ARHGEF1: variants seen among roughly 807,000 people sequenced by gnomAD.
ARHGEF1 encodes the protein 115 kDa guanine nucleotide exchange factor.
ARHGEF1 carries 40 observed loss-of-function variants against 119.7 expected under a neutral mutation model. That is an observed-to-expected ratio of 0.33 (90% CI 0.26 to 0.44). The LOEUF is 0.44. Ranked by LOEUF, ARHGEF1 falls within the 20% of genes least tolerant of loss-of-function variation. ARHGEF1 has a pLI of 1.00. For missense variants in ARHGEF1, 976 were observed against 1,268.3 expected (o/e 0.77, Z 3.50); for synonymous variants, 494 against 521.0 (o/e 0.95, Z 0.71).
chr19:41,897,736 C>G (rs1171696898), intron 13 of ARHGEF1: 2 of 474,482 alleles, frequency 4.2e-6, no homozygotes, highest in African/African-American at 4.0e-5. Context: ...TGTCTCTGTC[C>G]CTGTCCTGGT....
At chr19:41,918,462 A>ACACACCACACACGCACCACG (rs1555852138), upstream of ARHGEF1, among the ~76,000 whole-genome samples, 6 of 145,872 alleles carry the variant, frequency 4.1e-5, no homozygotes, top group Admixed American at 6.8e-5. Context: ...TGCACCACCT[A>ACACACCACACACGCACCACG]CACACCACAC....
chr19:41,898,091 C>A, intron 13 of ARHGEF1: 1 of 1,377,412 alleles, frequency 7.3e-7, no homozygotes, highest in South Asian at 1.7e-5. Flanking sequence ...CACGGCAGTG[C>A]TTGGCCCTGC....
At chr19:41,925,288 C>G (rs577436739) in intron 1 of ARHGEF1, among the ~76,000 whole-genome samples, 319 of 151,548 alleles carry the variant, frequency 2.1e-3, no homozygotes, top group African/African-American at 7.5e-3. Context: ...CCTTGTGCAG[C>G]AAGAGAGAGA....
chr19:41,891,315 C>G (rs150152129), intron 4 of ARHGEF1, among the ~76,000 whole-genome samples: 2 of 152,132 alleles, frequency 1.3e-5, no homozygotes, highest in Admixed American at 1.3e-4. Flanking sequence ...CAGTCTCGCT[C>G]TGTGTCACCC....
In ARHGEF1 at chr19:41,894,435, C is replaced by T; in HGVS notation, c.745-16C>T. On this transcript the variant is annotated splice_polypyrimidine_tract_variant and intron_variant, in intron 9 of 28. Transcript: ENST00000354532. ...CAGAGATGCTTAGCCTGGTCTTCCT[C>T]CCCGCCCTCTCACAGGTGATGGGGA... The T allele has an allele frequency of 3.2e-6, 5 of 1,544,502 alleles. No individual in the cohort carries two copies. In the East Asian group the frequency reaches 9.0e-5, roughly 28 times the overall value.
At position 41,903,457 on chromosome 19, in the gene ARHGEF1, G is replaced by A. The variant is rs1555849477; in HGVS notation, c.1839+50G>A. On this transcript the variant is annotated intron_variant, in intron 19 of 28. Transcript: ENST00000354532. The surrounding 1 kb of genome is among the most constrained non-coding windows in gnomAD (Gnocchi z 4.2). ...CGGGACAGTGGATGGTGTGAGAGCA[G>A]GGGGTGGACCCTACCTCAGCCTGTC... 3 of 1,562,706 alleles carry A rather than the reference G, an allele frequency of 1.9e-6. No homozygotes were observed. The highest frequency in any genetic ancestry group is 2.2e-5 in the South Asian group (2 of 89,312).
rs2074699468 is a variant in ARHGEF1 at position 41,906,524 on chromosome 19, G to A, written c.2559G>A (p.Gly853=). ...EDNGAGPPRD[G]DGVPGGGPLS... ...ATGGGGCGGGGCCTCCTCGAGATGG[G>A]GATGGGGTCCCAGGGGGCGGCCCCC... Residue 853 remains glycine (G), a synonymous_variant, in exon 27 of 29, where the codon GGG becomes GGA. Transcript: ENST00000354532. The surrounding 1 kb of genome is among the most constrained non-coding windows in gnomAD (Gnocchi z 4.5). The A allele has an allele frequency of 6.3e-7, 1 of 1,581,164 alleles. No homozygotes were observed. Among genetic ancestry groups the A allele is most frequent in the Non-Finnish European group, 8.5e-7 (1 of 1,171,752 alleles).
chr19:41,896,909 C>T (rs2074507546), intron 13 of ARHGEF1: 4 of 346,102 alleles, frequency 1.2e-5, no homozygotes, highest in African/African-American at 3.2e-5. Flanking sequence ...CCCCTCTCTT[C>T]TCTCACCTCC....
At chr19:41,922,147 G>A (rs1164046649), upstream of ARHGEF1, among the ~76,000 whole-genome samples, 5 of 152,118 alleles carry the variant, frequency 3.3e-5, no homozygotes, top group African/African-American at 1.2e-4. Flanking sequence ...GCTACTCAGG[G>A]AGCCCAGAGA....
downstream of ARHGEF1, chr19:41,908,060 G>A: frequency 4.3e-6 from 2 of 462,812 alleles, no homozygotes; most frequent in African/African-American, 2.0e-5. This position sits in a 1 kb window ranked among gnomAD's most constrained non-coding sequence, Gnocchi z 6.7. Context: ...CTGTGGAGGG[G>A]GAAGTGAGAC....
intron 1 of ARHGEF1, among the ~76,000 whole-genome samples, chr19:41,886,861 G>A (rs188050900): frequency 3.3e-5 from 5 of 152,274 alleles, no homozygotes; most frequent in Admixed American, 6.5e-5. Context: ...GGGGAGCCCC[G>A]CCGCTGGTCC....
At chr19:41,919,184 A>G (rs1403148294), upstream of ARHGEF1, among the ~76,000 whole-genome samples, 1 of 152,034 alleles carries the variant, frequency 6.6e-6, no homozygotes. Context: ...TCAATACCAC[A>G]CCTTGTAATC....
In ARHGEF1 at chr19:41,903,341, A is replaced by G. The variant is rs201193337; in HGVS notation, c.1773A>G (p.Ala591=). The part of the protein sequence containing the change: ...EPTEREKVEL[A]AECCREILHH... ...CAGAACGGGAGAAAGTGGAGCTGGC[A>G]GCCGAGTGCTGCCGGGAAATTCTAC... The change falls in exon 19 of 29, where the codon GCA becomes GCG. Residue 591 remains alanine (A), a synonymous_variant. Coordinates refer to ENST00000354532, the MANE Select transcript of ARHGEF1 (RefSeq NM_004706.4). The surrounding 1 kb of genome is among the most constrained non-coding windows in gnomAD (Gnocchi z 4.2). 1 of 1,613,966 alleles carries G rather than the reference A, an allele frequency of 6.2e-7. No homozygotes were observed. Among genetic ancestry groups the G allele is most frequent in the South Asian group, 1.1e-5 (1 of 91,088 alleles).
chr19:41,902,197 C>G lies in ARHGEF1; in HGVS notation c.1415-77C>G. On this transcript the variant is annotated intron_variant, in intron 15 of 28. Transcript: ENST00000354532. This position sits in a 1 kb window ranked among gnomAD's most constrained non-coding sequence, Gnocchi z 6.5. ...GACACAGACACACCTGCAGCCCTAC[C>G]CCCACCACACCGCAGCAGGCCCCGC... 6.3e-7 allele frequency: 1 copy of G among 1,581,902 alleles called. No individual in the cohort carries two copies. The highest frequency in any genetic ancestry group is 1.1e-5 in the South Asian group (1 of 89,100).
intron 2 of ARHGEF1, among the ~76,000 whole-genome samples, chr19:41,929,381 A>G (rs1555853656): frequency 6.6e-6 from 1 of 152,016 alleles, no homozygotes; most frequent in African/African-American, 2.4e-5. Flanking sequence ...AGGCACACAC[A>G]CGCACACCTA....
rs1555844728 is a variant in ARHGEF1, at chr19:41,883,385, G to T, written c.-20+96G>T. 1 of 155,014 alleles carries T rather than the reference G, an allele frequency of 6.5e-6. No homozygotes were observed. Among genetic ancestry groups the T allele is most frequent in the African/African-American group, 2.4e-5 (1 of 41,474 alleles). The allele number at this position is 155,014 out of a possible 1,614,324, so 9.6% of individuals were successfully genotyped here. On this transcript the variant is annotated intron_variant, in intron 1 of 28. Coordinates refer to ENST00000354532, the MANE Select transcript of ARHGEF1 (RefSeq NM_004706.4). The surrounding 1 kb of genome is among the most constrained non-coding windows in gnomAD (Gnocchi z 7.6). ...GGCTGGGGCGCTGCCGGCAGCGGAG[G>T]GGCCCCCTTCGGACCCCACGGAACC...
chr19:41,884,647 C>T (rs2074266456), intron 1 of ARHGEF1, among the ~76,000 whole-genome samples: 1 of 152,130 alleles, frequency 6.6e-6, no homozygotes, highest in Admixed American at 6.5e-5. Context: ...TGTAGACCCG[C>T]CTCATTCCGT....
At position 41,893,263 on chromosome 19, in the gene ARHGEF1, T is replaced by A; in HGVS notation, c.615-11T>A. 1 of 1,611,614 alleles carries A rather than the reference T, an allele frequency of 6.2e-7. No homozygotes were observed. Reference sequence around the variant, plus strand: ...GCAAATATGTCACAAACATCTCTCTTCCTCCTACAGACATACCATCTCTAC... The same window carrying A: ...GCAAATATGTCACAAACATCTCTCTACCTCCTACAGACATACCATCTCTAC... On this transcript the variant is annotated splice_polypyrimidine_tract_variant and intron_variant, in intron 7 of 28. Transcript: ENST00000354532.
chr19:41,908,318 G>A (rs1316883021), downstream of ARHGEF1: 23 of 1,231,388 alleles, frequency 1.9e-5, no homozygotes, highest in African/African-American at 3.1e-5. This position sits in a 1 kb window ranked among gnomAD's most constrained non-coding sequence, Gnocchi z 6.7. Context: ...AGCCGCTGAC[G>A]TCGGTGATCT....
Sources: gnomAD v4.1 joint callset for allele counts (sites outside exome capture counted in the v4.1 genomes callset) on GRCh38, gnomAD v4.1.1 for gene constraint, Gnocchi (gnomAD v3.1) non-coding constraint, MANE v1.5 for transcripts, NCBI Gene and HGNC (gene_info 2026-07-23, HGNC 2026-07-21) for gene names.